RASGRP3: variants seen among roughly 807,000 people sequenced by gnomAD.
The protein encoded by RASGRP3 is RAS guanyl releasing protein 3.
Under a neutral mutation model 82.7 loss-of-function variants are expected in RASGRP3, and 54 were observed. The ratio of observed to expected loss-of-function variants is 0.65; its 90% CI spans 0.52 to 0.82. RASGRP3 has a LOEUF of 0.82. Among genes scored for constraint, RASGRP3 ranks in the 40% least tolerant of loss-of-function variants. The pLI, the probability that RASGRP3 is intolerant of heterozygous loss-of-function variation, is 0.00. For synonymous variants in RASGRP3, 309 were observed against 300.5 expected (o/e 1.03, Z -0.29); for missense variants, 861 against 828.9 (o/e 1.04, Z -0.48).
At chr2:33,463,977 T>G (rs1666527958) in intron 2 of RASGRP3, among the ~76,000 whole-genome samples, 1 of 151,908 alleles carries the variant, frequency 6.6e-6, no homozygotes, top group Non-Finnish European at 1.5e-5. Flanking sequence ...AGATACTATG[T>G]TTTTTTACAA....
In RASGRP3 at chr2:33,558,323, C is replaced by T; in HGVS notation, c.1692C>T (p.Pro564=). 2.5e-6 allele frequency: 4 copies of T among 1,613,492 alleles called. No homozygotes were observed. Among genetic ancestry groups the T allele is most frequent in the Non-Finnish European group, 3.4e-6 (4 of 1,179,872 alleles). The change falls in exon 16 of 18, where the codon CCC becomes CCT. Residue 564 remains proline, a synonymous_variant. Coordinates refer to ENST00000403687, the MANE Select transcript of RASGRP3 (RefSeq NM_001139488.2). Reference sequence around the variant, plus strand: ...GTCATGGGTCACTGCCTGGAAGCCCCTCGCTGCCCCCAGGTAATGCCCTCT... The same window carrying T: ...GTCATGGGTCACTGCCTGGAAGCCCTTCGCTGCCCCCAGGTAATGCCCTCT... The part of the protein sequence containing the change: ...SSGHGSLPGS[P]SLPPAQDEVF...
At chr2:33,503,343 C>CT (rs1452510474) in intron 1 of RASGRP3, among the ~76,000 whole-genome samples, 2 of 151,966 alleles carry the variant, frequency 1.3e-5, no homozygotes, top group South Asian at 2.1e-4. Flanking sequence ...GTTATATTTT[C>CT]TTTTTTTGTA....
At chr2:33,465,758 G>C (rs76219465) in intron 2 of RASGRP3, among the ~76,000 whole-genome samples, 1 of 152,204 alleles carries the variant, frequency 6.6e-6, no homozygotes, top group Non-Finnish European at 1.5e-5. Context: ...TGAAAGGACA[G>C]GCTGACTCTT....
intron 3 of RASGRP3, among the ~76,000 whole-genome samples, chr2:33,516,148 G>A (rs141691415): frequency 2.0e-3 from 305 of 152,288 alleles, no homozygotes; most frequent in African/African-American, 6.7e-3. Context: ...AGTGGCTCAC[G>A]CCTGTAATCC....
intron 1 of RASGRP3, chr2:33,481,817 C>CCTCA: frequency 6.6e-6 from 1 of 152,484 alleles, no homozygotes; most frequent in African/African-American, 2.4e-5. Context: ...GATTCTCTTG[C>CCTCA]CTCAGCCTCC....
At chr2:33,438,127 T>C (rs1038375506) in intron 1 of RASGRP3, among the ~76,000 whole-genome samples, 1 of 152,264 alleles carries the variant, frequency 6.6e-6, no homozygotes, top group African/African-American at 2.4e-5. Context: ...GTTTACATTA[T>C]GAGAATGAAA....
Position 33,524,456 on chromosome 2 carries a change from A to T in RASGRP3, c.715A>T (p.Asn239Tyr). 1 of 1,600,848 alleles carries T rather than the reference A, an allele frequency of 6.2e-7. No individual in the cohort carries two copies. Among genetic ancestry groups the T allele is most frequent in the South Asian group, 1.1e-5 (1 of 87,564 alleles). Reference sequence around the variant, plus strand: ...GAAGCTCCTTCAGCTCAAAAATTTTAACACCCTGATGGCAGTGGTGGGAGG... The same window carrying T: ...GAAGCTCCTTCAGCTCAAAAATTTTTACACCCTGATGGCAGTGGTGGGAGG... Reference protein sequence around the residue: ...AKKLLQLKNFNTLMAVVGGLS... With the variant: ...AKKLLQLKNFYTLMAVVGGLS... The change falls in exon 9 of 18, where the codon AAC becomes TAC. Residue 239 changes from asparagine (N) to tyrosine (Y), a missense_variant. Asn to Tyr is a moderately radical substitution (Grantham distance 143). Transcript: ENST00000403687.
At chr2:33,549,284 C>G (rs1675142956) in intron 13 of RASGRP3, among the ~76,000 whole-genome samples, 1 of 152,166 alleles carries the variant, frequency 6.6e-6, no homozygotes, top group Non-Finnish European at 1.5e-5. Flanking sequence ...GAAAGATGTC[C>G]TTCAGGAAGC....
chr2:33,524,851 G>T (rs956162249), intron 9 of RASGRP3, among the ~76,000 whole-genome samples: 2 of 151,728 alleles, frequency 1.3e-5, no homozygotes, highest in African/African-American at 4.8e-5. Flanking sequence ...AGGCTGAGGC[G>T]GGCGGATCAC....
chr2:33,515,842 C>G (rs552388883), intron 3 of RASGRP3, among the ~76,000 whole-genome samples: 1 of 152,288 alleles, frequency 6.6e-6, no homozygotes, highest in South Asian at 2.1e-4. Context: ...AAATTGATTA[C>G]TATAGAAACC....
At chr2:33,523,130 C>T (rs2151026310) in intron 7 of RASGRP3, among the ~76,000 whole-genome samples, 1 of 152,080 alleles carries the variant, frequency 6.6e-6, no homozygotes, top group South Asian at 2.1e-4. Flanking sequence ...TTATTGTATA[C>T]CGTTATATCT....
intron 2 of RASGRP3, among the ~76,000 whole-genome samples, chr2:33,469,558 C>T (rs1351330336): frequency 6.6e-6 from 1 of 151,702 alleles, no homozygotes; most frequent in Non-Finnish European, 1.5e-5. Flanking sequence ...CTCCTGGGCT[C>T]AAGTGATTCT....
At chr2:33,470,872 T>C (rs1029040475) in intron 2 of RASGRP3, among the ~76,000 whole-genome samples, 6 of 152,204 alleles carry the variant, frequency 3.9e-5, no homozygotes, top group African/African-American at 1.4e-4. Context: ...AAAATGAATA[T>C]TACTCAATCT....
intron 11 of RASGRP3, among the ~76,000 whole-genome samples, chr2:33,537,317 CACACCG>C (rs1464208238): frequency 3.4e-4 from 16 of 46,970 alleles, no homozygotes; most frequent in African/African-American, 2.0e-3. Flanking sequence ...CACACACACA[CACACCG>C]CCCCCCCCAC....
At chr2:33,469,848 A>T (rs1428279977) in intron 2 of RASGRP3, among the ~76,000 whole-genome samples, 1 of 152,164 alleles carries the variant, frequency 6.6e-6, no homozygotes, top group African/African-American at 2.4e-5. Context: ...ATTTTTCCGA[A>T]TAGTTAATGA....
rs765860801 is a variant in RASGRP3, at chr2:33,542,314, T to C, written c.1279-1198T>C. ...CCACTCTCTGTGGTAATTTGTATCA[T>C]GTTGTTTTGATTAATGTAGCTGTGT... On this transcript the variant is annotated intron_variant, in intron 12 of 17. Transcript: ENST00000403687. 1.4e-5 allele frequency among the ~76,000 whole-genome samples: 2 copies of C among 146,826 alleles called. 1 individual carries two copies. The highest frequency in any genetic ancestry group is 3.1e-5 in the Non-Finnish European group (2 of 65,568).
intron 1 of RASGRP3, among the ~76,000 whole-genome samples, chr2:33,445,553 A>G (rs913777535): frequency 2.6e-5 from 4 of 152,194 alleles, no homozygotes; most frequent in African/African-American, 9.6e-5. Flanking sequence ...CAAAGTTATA[A>G]ATAGTGACTG....
intron 1 of RASGRP3, among the ~76,000 whole-genome samples, chr2:33,488,562 G>C (rs563182992): frequency 6.6e-6 from 1 of 152,282 alleles, no homozygotes; most frequent in Admixed American, 6.5e-5. Context: ...AAATGCCTGT[G>C]TTCATATTTA....
chr2:33,480,933 ACC>A (rs1667837303), intron 1 of RASGRP3, among the ~76,000 whole-genome samples: 1 of 152,200 alleles, frequency 6.6e-6, no homozygotes, highest in East Asian at 1.9e-4. Flanking sequence ...GAGAAGTCGA[ACC>A]CCTGCATTTA....
Sources: allele counts gnomAD v4.1 joint callset (sites outside exome capture counted in the v4.1 genomes callset), GRCh38; gene constraint gnomAD v4.1.1; transcripts MANE v1.5; gene names NCBI Gene and HGNC (gene_info 2026-07-23, HGNC 2026-07-21).